C12orf42: variants seen among roughly 807,000 people sequenced by gnomAD.
C12orf42 encodes chromosome 12 open reading frame 42.
C12orf42 carries 25 observed loss-of-function variants against 21.6 expected under a neutral mutation model. That is an observed-to-expected ratio of 1.16 (90% CI 0.84 to 1.62). The LOEUF is 1.62. Among genes scored for constraint, C12orf42 ranks in the 40% most tolerant of loss-of-function variants. The probability of loss-of-function intolerance (pLI) is 0.00; values close to 1 mark genes in which losing one functional copy is unlikely to be tolerated. For missense variants in C12orf42, 483 were observed against 459.3 expected, an observed-to-expected ratio of 1.05 and a Z score of -0.47; for synonymous variants, 174 against 175.0, an observed-to-expected ratio of 0.99 and a Z score of 0.05.
chr12:103,350,996 G>A (rs923542656), intron 4 of C12orf42, among the ~76,000 whole-genome samples: 2 of 151,996 alleles, frequency 1.3e-5, no homozygotes, highest in African/African-American at 2.4e-5. Context: ...TTCACAGGAA[G>A]TTACTTCAAG....
chr12:103,073,010 G>A, the C12orf42 span, among the ~76,000 whole-genome samples: 68 of 152,236 alleles, frequency 4.5e-4, no homozygotes, highest in African/African-American at 1.5e-3. Context: ...AAAAAAGAAT[G>A]AGATTATGTC....
At chr12:103,131,194 G>C in the C12orf42 span, among the ~76,000 whole-genome samples, 3,868 of 152,248 alleles carry the variant, frequency 0.025, 185 homozygotes, top group African/African-American at 0.089. Flanking sequence ...TATTACAAGA[G>C]AAGACTAAAA....
chr12:103,540,941 T>C, the C12orf42 span, among the ~76,000 whole-genome samples: 2 of 152,194 alleles, frequency 1.3e-5, no homozygotes, highest in South Asian at 4.1e-4. Flanking sequence ...TCCTGCTCTA[T>C]TGCCTAGGCT....
At chr12:103,248,475 G>A (rs1202914323) in intron 10 of C12orf42, among the ~76,000 whole-genome samples, 2 of 151,954 alleles carry the variant, frequency 1.3e-5, no homozygotes, top group African/African-American at 4.8e-5. Flanking sequence ...GCATTTAAAG[G>A]TTCTATGTGA....
the C12orf42 span, among the ~76,000 whole-genome samples, chr12:103,102,814 T>C: frequency 9.2e-5 from 14 of 152,282 alleles, no homozygotes; most frequent in African/African-American, 2.9e-4. Flanking sequence ...TTCACGATGA[T>C]AGTTGGACTA....
chr12:103,066,544 C>A, the C12orf42 span, among the ~76,000 whole-genome samples: 1 of 152,320 alleles, frequency 6.6e-6, no homozygotes, highest in Admixed American at 6.5e-5. Flanking sequence ...GCACTATAGC[C>A]CCTTTCTAGG....
intron 4 of C12orf42, among the ~76,000 whole-genome samples, chr12:103,354,442 T>G (rs566379525): frequency 1.2e-3 from 184 of 152,238 alleles, no homozygotes; most frequent in African/African-American, 4.2e-3. Flanking sequence ...CTGGGAGACC[T>G]CCAAGGTAAC....
At chr12:103,457,388 A>T (rs951329692) in intron 2 of C12orf42, among the ~76,000 whole-genome samples, 7 of 152,164 alleles carry the variant, frequency 4.6e-5, no homozygotes, top group African/African-American at 1.7e-4. Flanking sequence ...TTCCATGTTT[A>T]TACCCCAAAA....
intron 3 of C12orf42, among the ~76,000 whole-genome samples, chr12:103,389,234 C>T (rs2046872263): frequency 6.6e-6 from 1 of 152,082 alleles, no homozygotes; most frequent in African/African-American, 2.4e-5. Context: ...TTTAAGCATC[C>T]CCCCTACTCA....
chr12:103,107,161 C>A, the C12orf42 span, among the ~76,000 whole-genome samples: 1 of 152,046 alleles, frequency 6.6e-6, no homozygotes, highest in East Asian at 1.9e-4. Context: ...TTAACAAACA[C>A]GGTTTGCAGT....
At chr12:103,190,354 G>A in the C12orf42 span, among the ~76,000 whole-genome samples, 1 of 151,608 alleles carries the variant, frequency 6.6e-6, no homozygotes, top group African/African-American at 2.4e-5. Flanking sequence ...TACTCACAGT[G>A]AGGGTAGGCC....
chr12:103,072,052 TA>T, the C12orf42 span, among the ~76,000 whole-genome samples: 1 of 152,150 alleles, frequency 6.6e-6, no homozygotes, highest in African/African-American at 2.4e-5. Flanking sequence ...AAATGAGAGA[TA>T]AAGCAAGTCA....
At chr12:103,296,033 G>A (rs919794878) in intron 4 of C12orf42, among the ~76,000 whole-genome samples, 5 of 118,650 alleles carry the variant, frequency 4.2e-5, no homozygotes, top group East Asian at 2.6e-4. Context: ...CCCACAACAG[G>A]CCGCAGTGTG....
chr12:103,495,414 TC>T (rs1240900973), intron 1 of C12orf42, among the ~76,000 whole-genome samples: 1 of 147,174 alleles, frequency 6.8e-6, no homozygotes, highest in Non-Finnish European at 1.5e-5. Context: ...GCCCGGCCCC[TC>T]CCCCGCTCCC....
At chr12:103,235,671 C>T (rs554423398), downstream of C12orf42, among the ~76,000 whole-genome samples, 24 of 152,138 alleles carry the variant, frequency 1.6e-4, no homozygotes, top group Non-Finnish European at 2.5e-4. Flanking sequence ...AATAACACTT[C>T]GTGTCTGATA....
chr12:103,484,166 T>C (rs527994668), intron 1 of C12orf42, among the ~76,000 whole-genome samples: 14 of 152,200 alleles, frequency 9.2e-5, no homozygotes, highest in East Asian at 1.9e-4. Context: ...TAATCGTTTG[T>C]GTATATACCC....
chr12:103,068,973 A>G, the C12orf42 span, among the ~76,000 whole-genome samples: 443 of 104,830 alleles, frequency 4.2e-3, 22 homozygotes, highest in African/African-American at 0.017. Context: ...ATATATATAT[A>G]TATATATATA....
chr12:103,463,276 ATATTT>A (rs994435604), intron 2 of C12orf42, among the ~76,000 whole-genome samples: 17 of 152,194 alleles, frequency 1.1e-4, no homozygotes, highest in Non-Finnish European at 8.8e-5. Flanking sequence ...CCCTAAATAA[ATATTT>A]TATAACTACT....
chr12:103,519,769 C>T, the C12orf42 span, among the ~76,000 whole-genome samples: 1 of 152,170 alleles, frequency 6.6e-6, no homozygotes. Context: ...CAAATTCCTC[C>T]CAGCCACCCA....
Sources: gnomAD v4.1 joint callset for allele counts (sites outside exome capture counted in the v4.1 genomes callset) on GRCh38, gnomAD v4.1.1 for gene constraint, MANE v1.5 for transcripts, NCBI Gene and HGNC (gene_info 2026-07-23, HGNC 2026-07-21) for gene names.